SLIT3: variants seen among roughly 807,000 people sequenced by gnomAD.
SLIT3 encodes slit homolog 3 protein.
SLIT3 carries 68 observed loss-of-function variants against 184.0 expected under a neutral mutation model. The ratio of observed to expected loss-of-function variants is 0.37; its 90% CI spans 0.30 to 0.45. The LOEUF (loss-of-function observed/expected upper bound fraction) is 0.45, where lower values mean the gene tolerates loss of function less well. Among genes scored for constraint, SLIT3 ranks in the 20% least tolerant of loss-of-function variants. SLIT3 has a pLI of 1.00. For synonymous variants in SLIT3, 831 were observed against 828.6 expected, an observed-to-expected ratio of 1.00 and a Z score of -0.05; for missense variants, 1,707 against 2,026.0, an observed-to-expected ratio of 0.84 and a Z score of 3.02.
rs758808981 is a variant in SLIT3, at chr5:168,696,448, G to A, written c.2943-17C>T. 6.7e-5 allele frequency: 108 copies of A among 1,613,758 alleles called. No homozygotes were observed. Among genetic ancestry groups the A allele is most frequent in the Non-Finnish European group, 8.9e-5 (105 of 1,180,000 alleles). On this transcript the variant is annotated splice_polypyrimidine_tract_variant and intron_variant, in intron 27 of 35. Coordinates refer to ENST00000519560, the MANE Select transcript of SLIT3 (RefSeq NM_003062.4). ...CAGGAGCAGCTTTGGGATGTGAGGG[G>A]TGGAGAGCAGGGGAGTCAGGGGTCA... is the stretch of plus-strand genomic sequence containing the variant.
At chr5:169,156,983 T>C (rs1480037808) in intron 4 of SLIT3, among the ~76,000 whole-genome samples, 1 of 152,076 alleles carries the variant, frequency 6.6e-6, no homozygotes, top group African/African-American at 2.4e-5. Context: ...AACAGAAAAC[T>C]TGAAGACAAT....
intron 4 of SLIT3, among the ~76,000 whole-genome samples, chr5:168,928,852 G>C (rs62377196): frequency 2.6e-5 from 4 of 152,152 alleles, no homozygotes; most frequent in African/African-American, 4.8e-5. Context: ...TTTATGGATA[G>C]AGAAAGTAAC....
intron 26 of SLIT3, among the ~76,000 whole-genome samples, chr5:168,704,595 C>T (rs184364290): frequency 3.9e-5 from 6 of 152,178 alleles, no homozygotes; most frequent in South Asian, 4.1e-4. Context: ...TATTAAAAGA[C>T]GATAATAAAA....
chr5:169,002,342 A>G (rs1156243661), intron 4 of SLIT3, among the ~76,000 whole-genome samples: 7 of 147,424 alleles, frequency 4.7e-5, no homozygotes, highest in East Asian at 2.0e-4. Flanking sequence ...AAAAAAAAAA[A>G]AAAAAAAAAA....
At chr5:169,060,028 CAG>C (rs1350930270) in intron 4 of SLIT3, among the ~76,000 whole-genome samples, 4 of 152,242 alleles carry the variant, frequency 2.6e-5, no homozygotes, top group Non-Finnish European at 4.4e-5. Context: ...ATCTGCAGCC[CAG>C]AATAATGGCC....
intron 4 of SLIT3, among the ~76,000 whole-genome samples, chr5:169,129,606 A>G (rs1035005364): frequency 3.9e-5 from 6 of 152,202 alleles, no homozygotes; most frequent in Admixed American, 3.9e-4. Context: ...CATTTGGGAT[A>G]AACTAAAAAT....
chr5:169,296,746 C>T (rs1389351980), intron 1 of SLIT3, among the ~76,000 whole-genome samples: 1 of 152,208 alleles, frequency 6.6e-6, no homozygotes, highest in East Asian at 1.9e-4. Context: ...ATTAAGTTAC[C>T]ACATTCTCAC....
At chr5:169,180,279 G>T (rs1004360790) in intron 4 of SLIT3, among the ~76,000 whole-genome samples, 1 of 152,228 alleles carries the variant, frequency 6.6e-6, no homozygotes, top group Non-Finnish European at 1.5e-5. Context: ...TGATGCTTCA[G>T]TGCAGTGGAT....
intron 4 of SLIT3, among the ~76,000 whole-genome samples, chr5:169,033,882 G>A (rs775444268): frequency 1.7e-4 from 24 of 145,394 alleles, no homozygotes; most frequent in East Asian, 4.1e-4. Context: ...GCACAATCTC[G>A]GCTCACTGCA....
At chr5:169,190,814 T>C (rs557573736) in intron 4 of SLIT3, among the ~76,000 whole-genome samples, 4 of 152,316 alleles carry the variant, frequency 2.6e-5, no homozygotes, top group Non-Finnish European at 5.9e-5. Context: ...ACACTCATGA[T>C]TGCACAGCTA....
intron 4 of SLIT3, among the ~76,000 whole-genome samples, chr5:169,136,929 C>G (rs764125554): frequency 1.8e-4 from 27 of 152,014 alleles, no homozygotes; most frequent in South Asian, 4.2e-4. Context: ...CCTATTTTGC[C>G]CAGGCTGGCC....
At chr5:169,207,229 TC>T (rs1249869368) in intron 3 of SLIT3, among the ~76,000 whole-genome samples, 1 of 152,084 alleles carries the variant, frequency 6.6e-6, no homozygotes, top group Non-Finnish European at 1.5e-5. Context: ...TATTGGCGTT[TC>T]AAACTGAATC....
chr5:168,957,560 G>A (rs1043881131), intron 4 of SLIT3, among the ~76,000 whole-genome samples: 1 of 152,224 alleles, frequency 6.6e-6, no homozygotes, highest in Non-Finnish European at 1.5e-5. Flanking sequence ...CTCAGGTGAC[G>A]CTGATGCTGC....
intron 3 of SLIT3, among the ~76,000 whole-genome samples, chr5:169,241,911 A>G (rs78134046): frequency 0.015 from 2,283 of 152,284 alleles, 24 homozygotes; most frequent in Admixed American, 0.026. Flanking sequence ...ACCCAAGAGA[A>G]CAAACCAATA....
chr5:168,914,076 T>C (rs2113094105), intron 4 of SLIT3, among the ~76,000 whole-genome samples: 1 of 152,358 alleles, frequency 6.6e-6, no homozygotes. Context: ...AGTTATTAAC[T>C]GGTACCCAGT....
chr5:168,748,540 C>T, intron 19 of SLIT3, 106 bp from the exon 20 acceptor site: 1 of 1,152,278 alleles, frequency 8.7e-7, no homozygotes, highest in South Asian at 1.8e-5. Context: ...TGTCCCCTGT[C>T]CCCGCTGTGT....
intron 3 of SLIT3, among the ~76,000 whole-genome samples, chr5:169,223,965 C>T (rs1481764801): frequency 6.6e-6 from 1 of 152,142 alleles, no homozygotes; most frequent in African/African-American, 2.4e-5. Context: ...GTACAAGGTA[C>T]ACAAAAGAAA....
At chr5:169,015,929 T>G (rs1455714631) in intron 4 of SLIT3, among the ~76,000 whole-genome samples, 2 of 101,898 alleles carry the variant, frequency 2.0e-5, no homozygotes, top group African/African-American at 4.0e-5. Context: ...CAGAAAAATA[T>G]AAACACACAC....
rs575116777 is a variant in SLIT3 at position 168,692,016 on chromosome 5, A to C, written c.3176+591T>G. On this transcript the variant is annotated intron_variant, in intron 29 of 35. Coordinates refer to ENST00000519560, the MANE Select transcript of SLIT3 (RefSeq NM_003062.4). ...CTGACCTGAGGCAGCCTCTCCATCC[A>C]CCCTTAGGGCTGCTCACGTGCTCCC... Among the ~76,000 whole-genome samples, 3 of 152,036 alleles carry C rather than the reference A, an allele frequency of 2.0e-5. No homozygotes were observed. In the South Asian group the frequency reaches 6.2e-4, roughly 32 times the overall value.
Sources: gnomAD v4.1 joint callset for allele counts (sites outside exome capture counted in the v4.1 genomes callset) on GRCh38, gnomAD v4.1.1 for gene constraint, MANE v1.5 for transcripts, NCBI Gene and HGNC (gene_info 2026-07-23, HGNC 2026-07-21) for gene names.